ATRNL1: variants seen among roughly 807,000 people sequenced by gnomAD.
ATRNL1 encodes attractin-like protein 1.
ATRNL1 carries 95 observed loss-of-function variants against 182.7 expected under a neutral mutation model. The ratio of observed to expected loss-of-function variants is 0.52; its 90% confidence interval spans 0.44 to 0.62. The LOEUF (loss-of-function observed/expected upper bound fraction) is 0.62, where lower values mean the gene tolerates loss of function less well. Ranked by LOEUF, ATRNL1 falls within the 20% of genes least tolerant of loss-of-function variation. ATRNL1 has a pLI of 0.00. For missense variants in ATRNL1, 1,471 were observed against 1,679.5 expected (o/e 0.88, Z 2.17); for synonymous variants, 576 against 568.3 (o/e 1.01, Z -0.19).
intron 28 of ATRNL1, among the ~76,000 whole-genome samples, chr10:115,915,509 G>A (rs1476527405): frequency 6.6e-6 from 1 of 151,784 alleles, no homozygotes; most frequent in Non-Finnish European, 1.5e-5. Flanking sequence ...AGTTGGGAAA[G>A]ACATCAGATA....
chr10:115,483,650 A>G (rs1270890082), intron 24 of ATRNL1, among the ~76,000 whole-genome samples: 1 of 151,578 alleles, frequency 6.6e-6, no homozygotes, highest in African/African-American at 2.4e-5. Context: ...CATAAAATCT[A>G]GATGTTAGAA....
At chr10:115,823,848 C>T (rs1484560508) in intron 27 of ATRNL1, among the ~76,000 whole-genome samples, 3 of 152,192 alleles carry the variant, frequency 2.0e-5, no homozygotes, top group Non-Finnish European at 2.9e-5. Flanking sequence ...TATGGCCATA[C>T]TGCCCAAAGT....
intron 8 of ATRNL1, among the ~76,000 whole-genome samples, chr10:115,213,669 T>C (rs1298883122): frequency 2.6e-5 from 4 of 152,170 alleles, no homozygotes; most frequent in African/African-American, 4.8e-5. Flanking sequence ...GTTCCACTTA[T>C]TAACTTTTAA....
intron 28 of ATRNL1, among the ~76,000 whole-genome samples, chr10:115,893,507 A>G (rs1049553322): frequency 1.3e-5 from 2 of 152,208 alleles, no homozygotes; most frequent in Admixed American, 6.5e-5. Context: ...GGGCGAATAA[A>G]GTTATATGTA....
chr10:115,425,787 T>A (rs1341390889), intron 20 of ATRNL1, among the ~76,000 whole-genome samples: 1 of 152,072 alleles, frequency 6.6e-6, no homozygotes, highest in East Asian at 1.9e-4. Flanking sequence ...GAAACTGGTG[T>A]AGAAAATTTT....
intron 21 of ATRNL1, among the ~76,000 whole-genome samples, chr10:115,429,984 T>G (rs1368696089): frequency 4.6e-5 from 7 of 152,112 alleles, no homozygotes; most frequent in African/African-American, 1.4e-4. Context: ...GATGGGAGAA[T>G]GTCATGAACC....
intron 27 of ATRNL1, among the ~76,000 whole-genome samples, chr10:115,770,090 C>T (rs1206831696): frequency 1.3e-5 from 2 of 151,784 alleles, no homozygotes; most frequent in African/African-American, 2.4e-5. Context: ...CCAAAAATTT[C>T]AGGTTTCAGA....
At chr10:115,741,053 A>G (rs1948125925) in intron 27 of ATRNL1, among the ~76,000 whole-genome samples, 1 of 152,212 alleles carries the variant, frequency 6.6e-6, no homozygotes, top group Non-Finnish European at 1.5e-5. Flanking sequence ...TATACTATGA[A>G]CAATTGTCTC....
At chr10:115,707,300 A>T (rs1297237977) in intron 26 of ATRNL1, among the ~76,000 whole-genome samples, 1 of 151,846 alleles carries the variant, frequency 6.6e-6, no homozygotes, top group East Asian at 1.9e-4. Flanking sequence ...CTTTTATAGA[A>T]AAGTTCAGAA....
chr10:115,521,517 A>G (rs1325710341), intron 25 of ATRNL1, among the ~76,000 whole-genome samples: 8 of 152,202 alleles, frequency 5.3e-5, no homozygotes, highest in Middle Eastern at 3.2e-3. Flanking sequence ...GTTAAGTGAA[A>G]AATTTCACAA....
At chr10:115,218,532 T>C (rs1849319484) in intron 9 of ATRNL1, among the ~76,000 whole-genome samples, 1 of 152,202 alleles carries the variant, frequency 6.6e-6, no homozygotes, top group African/African-American at 2.4e-5. Context: ...TGGGGTCTTT[T>C]TGAAGTTGGG....
chr10:115,390,037 T>C lies in ATRNL1; in HGVS notation c.3176-4622T>C, dbSNP rs375365923. On this transcript the variant is annotated intron_variant, in intron 19 of 28. Transcript: ENST00000355044. Reference sequence around the variant, plus strand: ...TTTAGGTCCTTTGTCCATTTTAAAATTGTGTTCTTTCTTTTCTTGCTATTG... The same window carrying C: ...TTTAGGTCCTTTGTCCATTTTAAAACTGTGTTCTTTCTTTTCTTGCTATTG... Among the ~76,000 whole-genome samples the C allele has an allele frequency of 1.3e-4, 20 of 152,246 alleles. No homozygotes were observed. The South Asian group carries it at 4.1e-3, about 32-fold the overall frequency.
chr10:115,516,903 T>A (rs1423309426), intron 24 of ATRNL1, among the ~76,000 whole-genome samples: 1 of 151,846 alleles, frequency 6.6e-6, no homozygotes, highest in Non-Finnish European at 1.5e-5. Flanking sequence ...TCATATCATC[T>A]TTGTTTTTTT....
At chr10:115,943,247 G>GA (rs1195219076) in intron 28 of ATRNL1, among the ~76,000 whole-genome samples, 2 of 151,950 alleles carry the variant, frequency 1.3e-5, no homozygotes, top group Non-Finnish European at 2.9e-5. Flanking sequence ...CATAGACTGG[G>GA]AAAAAAATAT....
chr10:115,841,208 T>C (rs1345532611), intron 27 of ATRNL1, among the ~76,000 whole-genome samples: 3 of 152,050 alleles, frequency 2.0e-5, no homozygotes, highest in African/African-American at 4.8e-5. Flanking sequence ...GGTAGTGTTG[T>C]CTCATTTTAC....
intron 18 of ATRNL1, among the ~76,000 whole-genome samples, chr10:115,320,986 T>C (rs1799534834): frequency 6.6e-6 from 1 of 152,190 alleles, no homozygotes; most frequent in Non-Finnish European, 1.5e-5. Context: ...TTGTTGTTGT[T>C]GTTGATTCTT....
intron 5 of ATRNL1, among the ~76,000 whole-genome samples, chr10:115,154,292 C>A (rs191679693): frequency 3.3e-5 from 5 of 152,032 alleles, no homozygotes; most frequent in Admixed American, 1.3e-4. Flanking sequence ...ATTGATCTGT[C>A]TAATATTGAC....
intron 26 of ATRNL1, among the ~76,000 whole-genome samples, chr10:115,700,843 TAC>T (rs1293168879): frequency 3.7e-4 from 57 of 152,028 alleles, no homozygotes; most frequent in African/African-American, 1.3e-3. Flanking sequence ...CACAGACAGC[TAC>T]ACAATAATAG....
At chr10:115,412,199 C>G (rs1845172276) in intron 20 of ATRNL1, among the ~76,000 whole-genome samples, 1 of 152,126 alleles carries the variant, frequency 6.6e-6, no homozygotes, top group Non-Finnish European at 1.5e-5. Flanking sequence ...AGAGTATCCT[C>G]TAGCAGCTGA....
Sources: gnomAD v4.1 joint callset for allele counts (sites outside exome capture counted in the v4.1 genomes callset) on GRCh38, gnomAD v4.1.1 for gene constraint, MANE v1.5 for transcripts, NCBI Gene and HGNC (gene_info 2026-07-23, HGNC 2026-07-21) for gene names.